UNC45A: variants seen among roughly 807,000 people sequenced by gnomAD.
The protein encoded by UNC45A is protein unc-45 homolog A.
A neutral mutation model predicts 103.2 loss-of-function variants in UNC45A; 78 were observed. The observed-to-expected ratio is 0.76, with a 90% CI of 0.63 to 0.91. The LOEUF (loss-of-function observed/expected upper bound fraction) is 0.91, where lower values mean the gene tolerates loss of function less well. Ranked by LOEUF, UNC45A falls within the 40% of genes least tolerant of loss-of-function variation. UNC45A has a pLI of 0.00. For synonymous variants in UNC45A, 495 were observed against 504.6 expected, an observed-to-expected ratio of 0.98 and a Z score of 0.25; for missense variants, 1,193 against 1,224.8, an observed-to-expected ratio of 0.97 and a Z score of 0.39.
upstream of UNC45A, chr15:90,932,961 C>T: frequency 6.1e-6 from 1 of 165,010 alleles, no homozygotes; most frequent in Non-Finnish European, 1.3e-5. Flanking sequence ...AAGCTCCCCC[C>T]AAGAACCATC....
At chr15:90,941,518 T>C (rs183710045) in intron 6 of UNC45A, among the ~76,000 whole-genome samples, 21 of 152,328 alleles carry the variant, frequency 1.4e-4, no homozygotes, top group Admixed American at 1.3e-3. Context: ...GCTAAGACTG[T>C]TAAAAGCATG....
chr15:90,931,410 A>AT (rs776145083), upstream of UNC45A: 112 of 1,591,758 alleles, frequency 7.0e-5, no homozygotes, highest in African/African-American at 1.4e-3. Flanking sequence ...ACCATCCTGC[A>AT]TAAGAGTCGA....
At chr15:90,934,605 G>A, upstream of UNC45A, 5 of 398,844 alleles carry the variant, frequency 1.3e-5, no homozygotes, top group Non-Finnish European at 2.2e-5. Flanking sequence ...CCAGTATCTG[G>A]GGCTCTGTTC....
chr15:90,942,282 G>C (rs1279539520), intron 6 of UNC45A, among the ~76,000 whole-genome samples, 155 bp from the exon 7 acceptor site: 2 of 152,200 alleles, frequency 1.3e-5, no homozygotes, highest in Non-Finnish European at 2.9e-5. Flanking sequence ...CCATTACCCT[G>C]GGTCATGCCA....
intron 6 of UNC45A, among the ~76,000 whole-genome samples, chr15:90,941,731 G>A (rs529332478): frequency 1.8e-4 from 28 of 151,940 alleles, no homozygotes; most frequent in Non-Finnish European, 2.6e-4. Flanking sequence ...AGGCCGAGGC[G>A]GGCAGATCAC....
At chr15:90,936,241 A>G in intron 3 of UNC45A, 44 bp from the exon 4 acceptor site, 4 of 1,580,596 alleles carry the variant, frequency 2.5e-6, no homozygotes, top group Non-Finnish European at 3.4e-6. Flanking sequence ...TTGCCTGGAG[A>G]CAGTGGCCTC....
chr15:90,935,066 C>T, upstream of UNC45A: 2 of 576,084 alleles, frequency 3.5e-6, no homozygotes, highest in Admixed American at 3.3e-5. Context: ...CACCGCAGGC[C>T]TCCCTCTGGG....
At chr15:90,949,533 G>A in intron 14 of UNC45A, 90 bp downstream of exon 14, 2 of 1,600,580 alleles carry the variant, frequency 1.2e-6, no homozygotes, top group South Asian at 1.1e-5. Context: ...TTCCAGTGCT[G>A]TGGGCCTCTT....
At chr15:90,952,835 C>A in intron 17 of UNC45A, 94 bp from the exon 18 acceptor site, 1 of 1,208,294 alleles carries the variant, frequency 8.3e-7, no homozygotes, top group Non-Finnish European at 1.2e-6. Context: ...CCACCAGGCC[C>A]TACCTCCAAC....
intron 12 of UNC45A, 151 bp from the exon 13 acceptor site, chr15:90,948,503 C>T: frequency 2.2e-6 from 3 of 1,369,230 alleles, no homozygotes; most frequent in Non-Finnish European, 2.9e-6. Context: ...TTTGTAAGCT[C>T]CCAAAGTCTG....
intron 17 of UNC45A, chr15:90,952,119 G>A: frequency 6.6e-6 from 1 of 152,468 alleles, no homozygotes; most frequent in Non-Finnish European, 1.5e-5. Flanking sequence ...GAAATCCTCA[G>A]CCCAGGACTT....
chr15:90,935,076 G>A (rs113028104), upstream of UNC45A: 11,215 of 579,520 alleles, frequency 0.019, 149 homozygotes, highest in Non-Finnish European at 0.026. Flanking sequence ...CTCCCTCTGG[G>A]TCCTCCGCCG....
intron 9 of UNC45A, 65 bp downstream of exon 9, chr15:90,945,128 GA>G (rs1430192375): frequency 1.9e-5 from 30 of 1,579,736 alleles, no homozygotes; most frequent in Non-Finnish European, 2.5e-5. Context: ...ACTCCTTGAG[GA>G]GGGGCAGAAA....
chr15:90,941,052 C>T (rs1198226725), intron 6 of UNC45A: 1 of 152,176 alleles, frequency 6.6e-6, no homozygotes. Context: ...CAAAAACAGC[C>T]TTGGGGTACC....
At chr15:90,948,317 C>G (rs569293048) in intron 12 of UNC45A, 34 bp downstream of exon 12, 44 of 1,610,278 alleles carry the variant, frequency 2.7e-5, no homozygotes, top group Non-Finnish European at 3.6e-5. Context: ...AGCCTGGGGA[C>G]ACTGTCTAGG....
At chr15:90,937,974 T>G (rs868193212) in intron 4 of UNC45A, among the ~76,000 whole-genome samples, 3 of 152,096 alleles carry the variant, frequency 2.0e-5, no homozygotes, top group African/African-American at 2.4e-5. Context: ...TTATATTTTT[T>G]GTAGAGACAG....
chr15:90,936,419 C>T lies in UNC45A; in HGVS notation c.385C>T (p.Gln129Ter), dbSNP rs1319733242. ...CTTGGAGCCCAAGAACAAAGTTTTCCAGGAGGCCTTGCGGAACATCGGGGG... is the reference window on the plus strand; with the variant it reads ...CTTGGAGCCCAAGAACAAAGTTTTCTAGGAGGCCTTGCGGAACATCGGGGG... ...VSLEPKNKVF[Q>*]EALRNIGGQI... is the part of the protein sequence containing the mutation. Residue 129 changes from glutamine (Q) to a stop codon, truncating the protein, a stop_gained, in exon 4 of 20, where the codon CAG (glutamine) becomes TAG (stop). Transcript: ENST00000418476. LOFTEE classifies it high-confidence loss of function. The T allele has an allele frequency of 2.5e-6, 4 of 1,614,054 alleles. No homozygotes were observed. Among genetic ancestry groups the T allele is most frequent in the Non-Finnish European group, 3.4e-6 (4 of 1,180,050 alleles).
At chr15:90,949,827 C>A in intron 15 of UNC45A, 107 bp downstream of exon 15, 2 of 1,208,302 alleles carry the variant, frequency 1.7e-6, no homozygotes, top group Non-Finnish European at 2.4e-6. Context: ...AACAGAAAAA[C>A]ATTAATGGCC....
Position 90,948,296 on chromosome 15 carries a change from T to C in UNC45A, c.1737+13T>C, listed in dbSNP as rs770710184. On this transcript the variant is annotated intron_variant, in intron 12 of 19. Transcript: ENST00000418476. ...CCAGCTCAGCAGGGTAGCTCTGTGG[T>C]TCCTGCCGTCAGCCTGGGGACACTG... 1 of 1,612,914 alleles carries C rather than the reference T, an allele frequency of 6.2e-7. No individual in the cohort carries two copies. The highest frequency in any genetic ancestry group is 2.2e-5 in the East Asian group (1 of 44,878).
Sources: allele counts gnomAD v4.1 joint callset (sites outside exome capture counted in the v4.1 genomes callset), GRCh38; gene constraint gnomAD v4.1.1; transcripts MANE v1.5; gene names NCBI Gene and HGNC (gene_info 2026-07-23, HGNC 2026-07-21).